ADCY2: variants seen among roughly 807,000 people sequenced by gnomAD.
The protein encoded by ADCY2 is adenylate cyclase type 2.
In ADCY2, 31 loss-of-function variants were observed where a neutral mutation model predicts 125.2. The observed-to-expected ratio is 0.25, with a 90% confidence interval of 0.19 to 0.33. The LOEUF is 0.33. ADCY2 is among the 10% of genes least tolerant of loss of function. The pLI is 1.00. For missense variants in ADCY2, 904 were observed against 1,418.2 expected, an observed-to-expected ratio of 0.64 and a Z score of 5.82; for synonymous variants, 512 against 548.4, an observed-to-expected ratio of 0.93 and a Z score of 0.93.
intron 14 of ADCY2, among the ~76,000 whole-genome samples, chr5:7,741,635 T>TCAC (rs1311002534): frequency 7.5e-6 from 1 of 134,002 alleles, no homozygotes; most frequent in South Asian, 2.5e-4. Flanking sequence ...ATCACCATCA[T>TCAC]CATCACCATC....
At chr5:7,552,943 G>T (rs570809482) in intron 3 of ADCY2, among the ~76,000 whole-genome samples, 6 of 152,272 alleles carry the variant, frequency 3.9e-5, no homozygotes, top group African/African-American at 1.4e-4. Context: ...GGCTGCTGTT[G>T]TGCTGGCCAA....
At chr5:7,614,598 T>C (rs1217800476) in intron 3 of ADCY2, among the ~76,000 whole-genome samples, 1 of 152,168 alleles carries the variant, frequency 6.6e-6, no homozygotes, top group East Asian at 1.9e-4. Context: ...TGTTTGCTGC[T>C]CCAGACCCAT....
intron 4 of ADCY2, among the ~76,000 whole-genome samples, chr5:7,660,055 A>G (rs182399389): frequency 1.9e-4 from 29 of 152,296 alleles, no homozygotes; most frequent in African/African-American, 6.3e-4. Context: ...GGGAGGGGCC[A>G]TGGGTTGGAA....
chr5:7,787,347 C>G (rs1870684), intron 19 of ADCY2, among the ~76,000 whole-genome samples: 151,574 of 152,328 alleles, frequency 1, 75,414 homozygotes, highest in Middle Eastern at 1. Context: ...CTCTTGTAAG[C>G]ACACCCGTCT....
At chr5:7,729,705 C>T (rs1742039613) in intron 14 of ADCY2, among the ~76,000 whole-genome samples, 1 of 149,902 alleles carries the variant, frequency 6.7e-6, no homozygotes, top group Non-Finnish European at 1.5e-5. Flanking sequence ...TTCTTTTACT[C>T]ATTAGGAAGT....
intron 14 of ADCY2, among the ~76,000 whole-genome samples, chr5:7,741,635 T>A (rs1381109098): frequency 2.2e-5 from 3 of 134,004 alleles, no homozygotes; most frequent in Admixed American, 7.5e-5. Flanking sequence ...ATCACCATCA[T>A]CATCACCATC....
At chr5:7,717,048 G>C (rs1741613506) in intron 11 of ADCY2, 109 bp from the exon 12 acceptor site, 9 of 665,108 alleles carry the variant, frequency 1.4e-5, no homozygotes, top group Non-Finnish European at 2.4e-5. Context: ...GCAACAAAAT[G>C]TCATCTGTAT....
At chr5:7,721,470 C>A (rs1741756129) in intron 12 of ADCY2, among the ~76,000 whole-genome samples, 2 of 152,198 alleles carry the variant, frequency 1.3e-5, no homozygotes, top group Admixed American at 1.3e-4. Flanking sequence ...GAAGTCCTTG[C>A]CCAGGCCTAT....
chr5:7,660,783 A>G (rs919440644), intron 4 of ADCY2, among the ~76,000 whole-genome samples: 4 of 11,798 alleles, frequency 3.4e-4, no homozygotes, highest in Admixed American at 2.0e-3. Flanking sequence ...TGTTAATCAC[A>G]TGTTAAAAAA....
intron 19 of ADCY2, among the ~76,000 whole-genome samples, chr5:7,788,273 G>A (rs1744143900): frequency 6.6e-6 from 1 of 152,132 alleles, no homozygotes; most frequent in Non-Finnish European, 1.5e-5. Context: ...TCCACCTCCT[G>A]GGTTCAAGTG....
At chr5:7,725,282 T>G (rs1741896806) in intron 13 of ADCY2, among the ~76,000 whole-genome samples, 1 of 152,206 alleles carries the variant, frequency 6.6e-6, no homozygotes, top group Admixed American at 6.5e-5. Flanking sequence ...GACTTAGAAG[T>G]AATTTGCATC....
At chr5:7,571,016 A>G (rs1044783188) in intron 3 of ADCY2, among the ~76,000 whole-genome samples, 6 of 152,320 alleles carry the variant, frequency 3.9e-5, no homozygotes, top group South Asian at 2.1e-4. Context: ...GAGACTTACT[A>G]TAAAAATTGG....
In ADCY2 at chr5:7,462,815, T is replaced by C. The variant is rs144926040; in HGVS notation, c.408+48045T>C. ...CACGTGTGTGGGTTGGATTAGAAAA[T>C]AGACATTAAATAAATTGATTGCTGT... On this transcript the variant is annotated intron_variant, in intron 2 of 24. Coordinates refer to ENST00000338316, the MANE Select transcript of ADCY2 (RefSeq NM_020546.3). Among the ~76,000 whole-genome samples the C allele has an allele frequency of 2.6e-5, 4 of 152,338 alleles. No individual in the cohort carries two copies. The East Asian group carries it at 7.7e-4, about 29-fold the overall frequency.
chr5:7,557,295 G>A (rs952291529), intron 3 of ADCY2, among the ~76,000 whole-genome samples: 8 of 146,904 alleles, frequency 5.4e-5, no homozygotes, highest in Non-Finnish European at 1.1e-4. Flanking sequence ...TAACGAGGAG[G>A]TATAATTGCA....
At chr5:7,540,425 T>C (rs1049168578) in intron 3 of ADCY2, among the ~76,000 whole-genome samples, 2 of 152,214 alleles carry the variant, frequency 1.3e-5, no homozygotes, top group African/African-American at 4.8e-5. Context: ...ACACCTCCAC[T>C]CTGGCTGTAA....
chr5:7,651,530 G>A (rs1739089388), intron 4 of ADCY2, among the ~76,000 whole-genome samples: 1 of 152,182 alleles, frequency 6.6e-6, no homozygotes, highest in Non-Finnish European at 1.5e-5. Context: ...GAGGCTGGAA[G>A]ACTAAGCCAG....
chr5:7,399,427 A>T (rs544682193), intron 1 of ADCY2, among the ~76,000 whole-genome samples: 1 of 152,312 alleles, frequency 6.6e-6, no homozygotes, highest in Non-Finnish European at 1.5e-5. Context: ...TCCCTAATTG[A>T]TATTGTTCAC....
intron 22 of ADCY2, among the ~76,000 whole-genome samples, chr5:7,816,553 A>T (rs886613092): frequency 1.3e-5 from 2 of 152,210 alleles, no homozygotes; most frequent in Non-Finnish European, 2.9e-5. Context: ...CCCTCCTCAA[A>T]GCCAGCTTCC....
chr5:7,713,187 A>T (rs533604578), intron 11 of ADCY2, among the ~76,000 whole-genome samples: 5 of 152,224 alleles, frequency 3.3e-5, no homozygotes, highest in African/African-American at 1.2e-4. Flanking sequence ...AAAAAAGTGA[A>T]TTGTCTTAAA....
Sources: allele counts gnomAD v4.1 joint callset (sites outside exome capture counted in the v4.1 genomes callset), GRCh38; gene constraint gnomAD v4.1.1; transcripts MANE v1.5; gene names NCBI Gene and HGNC (gene_info 2026-07-23, HGNC 2026-07-21).